Variants in RBFOX2 observed in about 807,000 individuals in gnomAD.
RBFOX2 encodes RNA binding fox-1 homolog 2.
Under a neutral mutation model 49.1 loss-of-function variants are expected in RBFOX2, and 10 were observed. That is an observed-to-expected ratio of 0.20 (90% CI 0.13 to 0.35). The LOEUF (loss-of-function observed/expected upper bound fraction) is 0.35, where lower values mean the gene tolerates loss of function less well. Among genes scored for constraint, RBFOX2 ranks in the 10% least tolerant of loss-of-function variants. The pLI is 1.00. For synonymous variants in RBFOX2, 183 were observed against 187.4 expected (o/e 0.98, Z 0.19); for missense variants, 323 against 486.9 (o/e 0.66, Z 3.17).
At chr22:35,833,043 A>G (rs1006468391) in intron 1 of RBFOX2, among the ~76,000 whole-genome samples, 1 of 152,200 alleles carries the variant, frequency 6.6e-6, no homozygotes, top group African/African-American at 2.4e-5. Context: ...TCAAAATATC[A>G]TATGTACCCC....
chr22:35,897,928 G>T, intron 1 of RBFOX2: 1 of 747,822 alleles, frequency 1.3e-6, no homozygotes, highest in Non-Finnish European at 2.4e-6. Flanking sequence ...TCCAACTTCA[G>T]CTTCCTTGGA....
intron 1 of RBFOX2, among the ~76,000 whole-genome samples, chr22:35,957,397 C>T (rs1384089825): frequency 6.6e-6 from 1 of 152,122 alleles, no homozygotes; most frequent in Non-Finnish European, 1.5e-5. Flanking sequence ...TATGAGGGGA[C>T]CCATAGGGAT....
At chr22:35,868,005 G>A (rs1261741582) in intron 1 of RBFOX2, among the ~76,000 whole-genome samples, 2 of 152,122 alleles carry the variant, frequency 1.3e-5, no homozygotes, top group East Asian at 1.9e-4. Context: ...GAGCCTAGGA[G>A]TTCGAGACCA....
At chr22:35,777,351 T>TA (rs1219488772) in intron 4 of RBFOX2, among the ~76,000 whole-genome samples, 2 of 152,222 alleles carry the variant, frequency 1.3e-5, no homozygotes, top group African/African-American at 4.8e-5. Context: ...TTTCAGTTCT[T>TA]ATATAGAACA....
At chr22:35,826,878 T>G (rs567549734) in intron 1 of RBFOX2, among the ~76,000 whole-genome samples, 2 of 152,308 alleles carry the variant, frequency 1.3e-5, no homozygotes, top group East Asian at 1.9e-4. Flanking sequence ...GAATGTGGCC[T>G]CCTTCTCGCT....
upstream of RBFOX2, among the ~76,000 whole-genome samples, chr22:35,965,812 T>C (rs1419920638): frequency 2.0e-5 from 3 of 152,130 alleles, no homozygotes; most frequent in Non-Finnish European, 2.9e-5. Flanking sequence ...GATCAGTATG[T>C]GTATGAAGGG....
intron 1 of RBFOX2, among the ~76,000 whole-genome samples, chr22:35,899,653 A>G (rs1462185104): frequency 6.6e-6 from 1 of 152,166 alleles, no homozygotes; most frequent in Non-Finnish European, 1.5e-5. Context: ...AAGTCAAATA[A>G]GGAAAGCTAT....
At chr22:35,886,078 G>A (rs572494483) in intron 1 of RBFOX2, among the ~76,000 whole-genome samples, 3 of 151,608 alleles carry the variant, frequency 2.0e-5, no homozygotes, top group Admixed American at 6.6e-5. Context: ...GGATGGTCTC[G>A]ATCTCCTGAC....
intron 1 of RBFOX2, among the ~76,000 whole-genome samples, chr22:35,819,587 G>A (rs1223785879): frequency 1.3e-5 from 2 of 152,150 alleles, no homozygotes; most frequent in Non-Finnish European, 2.9e-5. Flanking sequence ...CCTTTGCATG[G>A]AAGTCATGCC....
At chr22:35,751,046 T>C (rs886892448) in intron 9 of RBFOX2, among the ~76,000 whole-genome samples, 5 of 152,058 alleles carry the variant, frequency 3.3e-5, no homozygotes, top group Non-Finnish European at 5.9e-5. Context: ...TGTTGCCACG[T>C]TGACCACATG....
chr22:35,770,162 C>T (rs1405250750), intron 4 of RBFOX2, among the ~76,000 whole-genome samples: 1 of 152,160 alleles, frequency 6.6e-6, no homozygotes, highest in African/African-American at 2.4e-5. Flanking sequence ...CTAGCACCTG[C>T]TGAAGACAAG....
chr22:35,954,404 A>G (rs1182362911), intron 1 of RBFOX2, among the ~76,000 whole-genome samples: 1 of 152,172 alleles, frequency 6.6e-6, no homozygotes, highest in Non-Finnish European at 1.5e-5. Context: ...ACTCCTCAGG[A>G]TTCAGGATGT....
chr22:35,909,714 C>A (rs921974286), intron 1 of RBFOX2, among the ~76,000 whole-genome samples: 5 of 152,172 alleles, frequency 3.3e-5, no homozygotes, highest in East Asian at 1.9e-4. Context: ...CGGATTCAAG[C>A]GATTCTCCTG....
At chr22:35,812,253 G>A (rs1246696631) in intron 1 of RBFOX2, among the ~76,000 whole-genome samples, 3 of 150,418 alleles carry the variant, frequency 2.0e-5, no homozygotes, top group African/African-American at 7.3e-5. Context: ...CAGAGTGAGT[G>A]AGACTCCATC....
chr22:35,805,289 CAAAAAAAAAAAAA>C (rs748086413), intron 2 of RBFOX2, among the ~76,000 whole-genome samples: 1 of 37,916 alleles, frequency 2.6e-5, no homozygotes, highest in African/African-American at 9.3e-5. Flanking sequence ...GACTCCGTCT[CAAAAAAAAAAAAA>C]AAAAAAAAAA....
At chr22:35,915,232 G>C (rs866401780) in intron 1 of RBFOX2, among the ~76,000 whole-genome samples, 9 of 152,212 alleles carry the variant, frequency 5.9e-5, no homozygotes, top group South Asian at 2.1e-4. Flanking sequence ...AGAGAGAAGG[G>C]AGGGTTTGGG....
At chr22:36,000,959 T>G (rs1292715003) in intron 1 of RBFOX2, among the ~76,000 whole-genome samples, 1 of 152,140 alleles carries the variant, frequency 6.6e-6, no homozygotes, top group African/African-American at 2.4e-5. Flanking sequence ...TTTAGGAAAC[T>G]GAGGTTCTGA....
At chr22:36,016,673 C>A (rs887524657) in intron 1 of RBFOX2, among the ~76,000 whole-genome samples, 4 of 152,206 alleles carry the variant, frequency 2.6e-5, no homozygotes, top group African/African-American at 9.7e-5. Context: ...TGGCTGAACA[C>A]ACCCATGTGG....
chr22:35,968,816 A>G lies in RBFOX2; in HGVS notation c.187-29919T>C, dbSNP rs544171649. Among the ~76,000 whole-genome samples, 7 of 152,332 alleles carry G rather than the reference A, an allele frequency of 4.6e-5. No homozygotes were observed. In the East Asian group the frequency reaches 1.3e-3, roughly 29 times the overall value. On this transcript the variant is annotated intron_variant, in intron 1 of 13. Transcript: ENST00000438146. The stretch of plus-strand genomic sequence containing the variant: ...AATTGGAGAAAAAGACATTATAACA[A>G]GTAAATAAATAAAGACATTGTAGGG...
Sources: gnomAD v4.1 joint callset for allele counts (sites outside exome capture counted in the v4.1 genomes callset) on GRCh38, gnomAD v4.1.1 for gene constraint, MANE v1.5 for transcripts, NCBI Gene and HGNC (gene_info 2026-07-23, HGNC 2026-07-21) for gene names.